Variants in CACNA2D1 observed in about 807,000 individuals in gnomAD.
The protein encoded by CACNA2D1 is voltage-dependent calcium channel subunit alpha-2/delta-1.
CACNA2D1 carries 53 observed loss-of-function variants against 171.5 expected under a neutral mutation model. That is an observed-to-expected ratio of 0.31 (90% CI 0.25 to 0.39). The LOEUF (loss-of-function observed/expected upper bound fraction) is 0.39, where lower values mean the gene tolerates loss of function less well. Among genes scored for constraint, CACNA2D1 ranks in the 10% least tolerant of loss-of-function variants. CACNA2D1 has a pLI of 1.00. For missense variants in CACNA2D1, 903 were observed against 1,299.8 expected (o/e 0.69, Z 4.69); for synonymous variants, 442 against 443.1 (o/e 1.00, Z 0.03).
intron 3 of CACNA2D1, among the ~76,000 whole-genome samples, chr7:82,257,649 T>TCTC (rs1259118677): frequency 3.9e-5 from 6 of 152,200 alleles, no homozygotes; most frequent in Non-Finnish European, 8.8e-5. Flanking sequence ...CATAAACATC[T>TCTC]CTCCTCCTTT....
intron 5 of CACNA2D1, among the ~76,000 whole-genome samples, chr7:82,136,002 T>C (rs1296202441): frequency 2.0e-5 from 3 of 152,192 alleles, no homozygotes; most frequent in Admixed American, 6.5e-5. Flanking sequence ...TTCGCAACTC[T>C]ATTCACCAAC....
At chr7:81,982,929 T>C (rs543108115) in intron 23 of CACNA2D1, among the ~76,000 whole-genome samples, 1 of 152,250 alleles carries the variant, frequency 6.6e-6, no homozygotes, top group East Asian at 1.9e-4. Context: ...AAGTGATTGA[T>C]ATGAATGTTA....
intron 1 of CACNA2D1, among the ~76,000 whole-genome samples, chr7:82,435,454 T>C (rs1473161219): frequency 6.6e-6 from 1 of 152,180 alleles, no homozygotes; most frequent in Non-Finnish European, 1.5e-5. Context: ...CTGTGTTCTC[T>C]AGCCTACAAA....
intron 3 of CACNA2D1, among the ~76,000 whole-genome samples, chr7:82,237,266 G>A (rs1015942440): frequency 1.4e-5 from 1 of 74,022 alleles, no homozygotes; most frequent in Non-Finnish European, 4.9e-5. Context: ...TTTTCCCCCT[G>A]ACATTTTCAA....
intron 3 of CACNA2D1, among the ~76,000 whole-genome samples, chr7:82,175,487 G>A (rs1017198892): frequency 1.3e-5 from 2 of 152,026 alleles, no homozygotes; most frequent in African/African-American, 4.8e-5. Context: ...CACTCTAGGA[G>A]TTTCACCTAC....
intron 4 of CACNA2D1, among the ~76,000 whole-genome samples, chr7:82,153,863 T>A (rs1330240442): frequency 1.3e-5 from 2 of 151,978 alleles, no homozygotes; most frequent in Non-Finnish European, 2.9e-5. Flanking sequence ...AAACACCCAT[T>A]GAACAGCACA....
intron 3 of CACNA2D1, among the ~76,000 whole-genome samples, chr7:82,233,639 T>G (rs1380920133): frequency 6.6e-6 from 1 of 152,098 alleles, no homozygotes; most frequent in East Asian, 1.9e-4. Context: ...GGGACAACCT[T>G]TGAATACCTA....
intron 6 of CACNA2D1, among the ~76,000 whole-genome samples, chr7:82,091,056 C>A (rs114293111): frequency 2.0e-5 from 3 of 152,030 alleles, no homozygotes; most frequent in African/African-American, 4.8e-5. Context: ...TAAGAAGAAA[C>A]CTACTGATCT....
At chr7:82,035,680 A>G (rs977208911) in intron 11 of CACNA2D1, among the ~76,000 whole-genome samples, 1 of 152,162 alleles carries the variant, frequency 6.6e-6, no homozygotes. Flanking sequence ...TCATTTCACA[A>G]CTGAAACCTA....
At chr7:82,291,169 G>GAATTATAATTCTATATCGATATAT (rs1811497672) in intron 3 of CACNA2D1, among the ~76,000 whole-genome samples, 2 of 106,118 alleles carry the variant, frequency 1.9e-5, no homozygotes, top group Non-Finnish European at 3.6e-5. Flanking sequence ...TATCGATATA[G>GAATTATAATTCTATATCGATATAT]AATTATAATT....
At chr7:82,182,204 G>C (rs1303917856) in intron 3 of CACNA2D1, among the ~76,000 whole-genome samples, 2 of 151,860 alleles carry the variant, frequency 1.3e-5, no homozygotes, top group Non-Finnish European at 2.9e-5. Context: ...TTAGTATTCT[G>C]GTTGCCAAAT....
chr7:82,022,100 A>G (rs557580494), intron 12 of CACNA2D1, among the ~76,000 whole-genome samples: 21 of 151,934 alleles, frequency 1.4e-4, no homozygotes, highest in Non-Finnish European at 1.8e-4. Flanking sequence ...TGTAAAATGC[A>G]TTAAAGTCAT....
At chr7:82,072,194 T>G (rs940059207) in intron 7 of CACNA2D1, among the ~76,000 whole-genome samples, 8 of 152,110 alleles carry the variant, frequency 5.3e-5, no homozygotes, top group Admixed American at 4.6e-4. Context: ...AAAACCTTCA[T>G]GTGGTGTCTT....
intron 12 of CACNA2D1, chr7:82,029,127 C>T (rs921247653): frequency 6.6e-6 from 1 of 151,702 alleles, no homozygotes; most frequent in African/African-American, 2.4e-5. Flanking sequence ...GCCATCCAAC[C>T]CTCAGCAACC....
chr7:81,984,109 A>C (rs903215830), intron 22 of CACNA2D1, among the ~76,000 whole-genome samples: 2 of 152,220 alleles, frequency 1.3e-5, no homozygotes, highest in African/African-American at 4.8e-5. Flanking sequence ...TTGGATTACG[A>C]AAAGAAAGTT....
chr7:81,994,749 C>T (rs1797871878), intron 20 of CACNA2D1, 119 bp downstream of exon 20: 4 of 623,268 alleles, frequency 6.4e-6, no homozygotes, highest in Non-Finnish European at 1.2e-5. Context: ...AAATTGTTTC[C>T]TAGAGATCTC....
intron 38 of CACNA2D1, among the ~76,000 whole-genome samples, chr7:81,956,618 T>C (rs1003746819): frequency 1.1e-4 from 16 of 152,212 alleles, no homozygotes; most frequent in Admixed American, 5.2e-4. Context: ...TCTTTTATTA[T>C]GCCAGAAGAC....
intron 3 of CACNA2D1, among the ~76,000 whole-genome samples, chr7:82,211,291 A>G (rs1800526493): frequency 6.6e-6 from 1 of 152,188 alleles, no homozygotes; most frequent in African/African-American, 2.4e-5. Flanking sequence ...TTTGGTGTAC[A>G]AATGATTTTG....
intron 10 of CACNA2D1, among the ~76,000 whole-genome samples, chr7:82,045,913 G>A (rs1049395620): frequency 6.6e-6 from 1 of 152,064 alleles, no homozygotes; most frequent in African/African-American, 2.4e-5. Flanking sequence ...CAAATTCCCT[G>A]ACGCACTTTT....
Sources: allele counts gnomAD v4.1 joint callset (sites outside exome capture counted in the v4.1 genomes callset), GRCh38; gene constraint gnomAD v4.1.1; transcripts MANE v1.5; gene names NCBI Gene and HGNC (gene_info 2026-07-23, HGNC 2026-07-21).